The following MITF variants were observed in gnomAD, a reference collection of about 807,000 sequenced individuals.
MITF encodes the protein microphthalmia-associated transcription factor.
In MITF, 17 loss-of-function variants were observed where a neutral mutation model predicts 60.5. The ratio of observed to expected loss-of-function variants is 0.28; its 90% confidence interval spans 0.19 to 0.42. MITF has a LOEUF of 0.42. Among genes scored for constraint, MITF ranks in the 10% least tolerant of loss-of-function variants. The pLI, the probability that MITF is intolerant of heterozygous loss-of-function variation, is 1.00. For missense variants in MITF, 622 were observed against 683.5 expected, an observed-to-expected ratio of 0.91 and a Z score of 1.00; for synonymous variants, 260 against 248.5, an observed-to-expected ratio of 1.05 and a Z score of -0.43.
intron 1 of MITF, among the ~76,000 whole-genome samples, chr3:69,759,720 C>CTCAGA (rs2062183042): frequency 6.6e-6 from 1 of 152,198 alleles, no homozygotes; most frequent in Non-Finnish European, 1.5e-5. Flanking sequence ...ACACTATCTG[C>CTCAGA]TCAGATGTTG....
chr3:69,905,633 C>A (rs2065083050), intron 2 of MITF, among the ~76,000 whole-genome samples: 1 of 152,124 alleles, frequency 6.6e-6, no homozygotes, highest in African/African-American at 2.4e-5. Context: ...CTTATATCCT[C>A]TCCCACACTT....
intron 2 of MITF, among the ~76,000 whole-genome samples, chr3:69,935,412 CTTTTCT>C (rs1353267323): frequency 1.3e-5 from 2 of 152,136 alleles, no homozygotes; most frequent in Admixed American, 6.5e-5. Flanking sequence ...ACATGAATCT[CTTTTCT>C]TTTTAAGTGT....
At chr3:69,901,189 G>C (rs2064988469) in intron 2 of MITF, among the ~76,000 whole-genome samples, 1 of 147,432 alleles carries the variant, frequency 6.8e-6, no homozygotes, top group Non-Finnish European at 1.5e-5. Flanking sequence ...AAATAATCAG[G>C]GATAACGAAC....
chr3:69,869,709 C>T (rs75172901), intron 1 of MITF, among the ~76,000 whole-genome samples: 2,555 of 152,228 alleles, frequency 0.017, 72 homozygotes, highest in African/African-American at 0.057. Context: ...GGCTATGAAA[C>T]CACCCCAAAA....
At chr3:69,891,320 A>G (rs2064755030) in intron 2 of MITF, among the ~76,000 whole-genome samples, 1 of 152,212 alleles carries the variant, frequency 6.6e-6, no homozygotes, top group Non-Finnish European at 1.5e-5. Flanking sequence ...CTGACAAGAC[A>G]TTTAATTTTG....
At chr3:69,805,076 A>C (rs2062983954) in intron 1 of MITF, among the ~76,000 whole-genome samples, 1 of 152,208 alleles carries the variant, frequency 6.6e-6, no homozygotes, top group African/African-American at 2.4e-5. Flanking sequence ...CTATTTAAAC[A>C]AACAAGAACC....
At chr3:69,822,157 T>A (rs2063286170) in intron 1 of MITF, among the ~76,000 whole-genome samples, 1 of 152,246 alleles carries the variant, frequency 6.6e-6, no homozygotes, top group Non-Finnish European at 1.5e-5. Flanking sequence ...ACACCTGGCC[T>A]GTCAGCATCT....
chr3:69,894,286 T>A (rs892135225), intron 2 of MITF, among the ~76,000 whole-genome samples: 5 of 152,248 alleles, frequency 3.3e-5, no homozygotes, highest in African/African-American at 1.2e-4. Context: ...TCATTGCTAA[T>A]CAAGTTGCAT....
intron 2 of MITF, among the ~76,000 whole-genome samples, chr3:69,906,944 A>G (rs1019765525): frequency 2.6e-5 from 4 of 152,140 alleles, no homozygotes; most frequent in African/African-American, 9.7e-5. Context: ...TTGGCTACTT[A>G]ATATATGCTG....
chr3:69,759,927 G>A (rs1006552338), intron 1 of MITF, among the ~76,000 whole-genome samples: 15 of 152,058 alleles, frequency 9.9e-5, no homozygotes, highest in Non-Finnish European at 1.5e-4. Context: ...ACAGGCACCC[G>A]CCACCACACC....
chr3:69,865,314 G>A (rs772996188), intron 1 of MITF, among the ~76,000 whole-genome samples: 7 of 152,216 alleles, frequency 4.6e-5, no homozygotes, highest in African/African-American at 1.7e-4. Context: ...CTTGCCCAGT[G>A]TATGCAGCTA....
At chr3:69,776,596 G>A (rs2062477233) in intron 1 of MITF, among the ~76,000 whole-genome samples, 1 of 152,190 alleles carries the variant, frequency 6.6e-6, no homozygotes, top group African/African-American at 2.4e-5. Context: ...TACGTTTGTT[G>A]CGATGAAGAA....
intron 1 of MITF, among the ~76,000 whole-genome samples, chr3:69,765,829 T>G (rs2062282436): frequency 6.6e-6 from 1 of 152,248 alleles, no homozygotes; most frequent in Non-Finnish European, 1.5e-5. Flanking sequence ...CATATACACT[T>G]AGCCAACATT....
intron 1 of MITF, among the ~76,000 whole-genome samples, chr3:69,861,910 T>C (rs895717530): frequency 6.6e-6 from 1 of 152,172 alleles, no homozygotes; most frequent in Non-Finnish European, 1.5e-5. Flanking sequence ...ACAATAAGGC[T>C]TTCATTGAAC....
intron 2 of MITF, chr3:69,936,606 A>C: frequency 6.4e-7 from 1 of 1,555,044 alleles, no homozygotes; most frequent in Non-Finnish European, 8.7e-7. Context: ...GTGTCTCGGG[A>C]TACCTTGTTT....
intron 1 of MITF, among the ~76,000 whole-genome samples, chr3:69,829,749 T>C (rs2063415683): frequency 2.0e-5 from 3 of 152,168 alleles, no homozygotes; most frequent in Non-Finnish European, 2.9e-5. Context: ...CCACTTGGAC[T>C]ACTAATGCAT....
Position 69,965,394 on chromosome 3 carries a change from AT to A in MITF, c.*151del, listed in dbSNP as rs1559757370. ...TTATCAATAGCCCAGGATATATTTT[AT>A]TTTTAGAATTTTGTGAAACAGACTT... is the stretch of plus-strand genomic sequence containing the variant. On this transcript the variant is annotated 3_prime_UTR_variant, in exon 10 of 10. Coordinates refer to ENST00000352241, the MANE Select transcript of MITF (RefSeq NM_001354604.2). 1.3e-6 allele frequency: 1 copy of A among 797,078 alleles called. No homozygotes were observed. Among genetic ancestry groups the A allele is most frequent in the Non-Finnish European group, 1.9e-6 (1 of 517,560 alleles). The allele number at this position is 797,078 out of a possible 1,614,324, so 49.4% of individuals were successfully genotyped here. A position where few individuals can be genotyped will look rare whatever the true frequency, so the allele number is the denominator to read the frequency against.
rs529056958 is a variant in MITF at position 69,899,514 on chromosome 3, ACAGCGTAAAC to A, written c.354+20133_354+20142del. 5.9e-5 allele frequency among the ~76,000 whole-genome samples: 9 copies of A among 152,280 alleles called. No homozygotes were observed. In the South Asian group the frequency reaches 1.7e-3, roughly 28 times the overall value. On this transcript the variant is annotated intron_variant, in intron 2 of 9. Coordinates refer to ENST00000352241, the MANE Select transcript of MITF (RefSeq NM_001354604.2). ...GGAGTGTAGTCTGCTCTTTGCAGAG[ACAGCGTAAAC>A]CTGTTAGACCTTTCTGAACCAACAT...
chr3:69,829,261 C>T (rs2063406775), intron 1 of MITF, among the ~76,000 whole-genome samples: 1 of 152,130 alleles, frequency 6.6e-6, no homozygotes, highest in Non-Finnish European at 1.5e-5. Context: ...ACTAATGCCA[C>T]AGACGGTTTA....
Sources: gnomAD v4.1 joint callset for allele counts (sites outside exome capture counted in the v4.1 genomes callset) on GRCh38, gnomAD v4.1.1 for gene constraint, MANE v1.5 for transcripts, NCBI Gene and HGNC (gene_info 2026-07-23, HGNC 2026-07-21) for gene names.